Variants in GPAT4 observed in about 807,000 individuals in gnomAD.
The protein encoded by GPAT4 is glycerol-3-phosphate acyltransferase 4.
Under a neutral mutation model 58.0 loss-of-function variants are expected in GPAT4, and 17 were observed. The observed-to-expected ratio is 0.29, with a 90% CI of 0.20 to 0.44. GPAT4 has a LOEUF of 0.44. Ranked by LOEUF, GPAT4 falls within the 20% of genes least tolerant of loss-of-function variation. The pLI is 1.00. For synonymous variants in GPAT4, 204 were observed against 210.1 expected, an observed-to-expected ratio of 0.97 and a Z score of 0.25; for missense variants, 377 against 574.5, an observed-to-expected ratio of 0.66 and a Z score of 3.51.
rs1475714288 is a variant in GPAT4 at position 41,624,269 on chromosome 8, CAG to C, written c.*3269_*3270del. 1 of 152,260 alleles carries C rather than the reference CAG, an allele frequency of 6.6e-6. No homozygotes were observed. The highest frequency in any genetic ancestry group is 2.4e-5 in the African/African-American group (1 of 41,444). 9.4% of individuals were successfully genotyped at this position (152,260 alleles called of 1,614,324 possible). A position where few individuals can be genotyped will look rare whatever the true frequency, so the allele number is the denominator to read the frequency against. On this transcript the variant is annotated 3_prime_UTR_variant, in exon 13 of 13. Coordinates refer to ENST00000396987, the MANE Select transcript of GPAT4 (RefSeq NM_178819.4). ...AGAAGAGGCTTGATGTGTGAGGGGT[CAG>C]GGGGAGTGCTCCAGATCCCTGAAAT...
intron 1 of GPAT4, among the ~76,000 whole-genome samples, chr8:41,585,752 G>A (rs889337307): frequency 2.6e-5 from 4 of 152,198 alleles, no homozygotes; most frequent in African/African-American, 9.7e-5. Flanking sequence ...TTCCCTGTAT[G>A]TTTGGCCATC....
chr8:41,615,594 C>A (rs1361721520), intron 10 of GPAT4, among the ~76,000 whole-genome samples: 1 of 152,142 alleles, frequency 6.6e-6, no homozygotes, highest in African/African-American at 2.4e-5. Context: ...TTAGGAACTG[C>A]TCCTCTAACC....
At position 41,620,889 on chromosome 8, in the gene GPAT4, C is replaced by T; in HGVS notation, c.1263-4C>T. On this transcript the variant is annotated splice_polypyrimidine_tract_variant and splice_region_variant and intron_variant, in intron 12 of 12. Transcript: ENST00000396987. ...GTTACTACATCCAGCCTTTGTCTCT[C>T]CAGGGATGGGGGCCTGAAGAGGGAG... 2 of 1,550,506 alleles carry T rather than the reference C, an allele frequency of 1.3e-6. No homozygotes were observed. Among genetic ancestry groups the T allele is most frequent in the South Asian group, 1.2e-5 (1 of 84,000 alleles).
chr8:41,618,753 A>T lies in GPAT4; in HGVS notation c.1123A>T (p.Met375Leu), dbSNP rs1227098443. The T allele has an allele frequency of 1.2e-6, 2 of 1,614,246 alleles. No homozygotes were observed. ...KYGMVTYLLRMMTSWAIVCSV... is the reference protein window; with the variant it reads ...KYGMVTYLLRLMTSWAIVCSV... ...CGGGATGGTGACGTACCTGCTGCGA[A>T]TGATGACCAGCTGGGCCATTGTCTG... Residue 375 changes from methionine (M) to leucine (L), a missense_variant, in exon 11 of 13, where the codon ATG (methionine) becomes TTG (leucine). By Grantham distance (15) the Met-to-Leu change is conservative. Transcript: ENST00000396987.
chr8:41,618,783 G>A lies in GPAT4; in HGVS notation c.1153G>A (p.Val385Met), dbSNP rs776328407. ...GACCAGCTGGGCCATTGTCTGCAGC[G>A]TGTGGTACCTGCCTCCCATGACTAG... ...MMTSWAIVCS[V>M]WYLPPMTREA... Residue 385 changes from valine (V) to methionine (M), a missense_variant, in exon 11 of 13, where the codon GTG becomes ATG. Physicochemically the swap from Val to Met is conservative, Grantham distance 21. Coordinates refer to ENST00000396987, the MANE Select transcript of GPAT4 (RefSeq NM_178819.4). 6 of 1,614,136 alleles carry A rather than the reference G, an allele frequency of 3.7e-6. No homozygotes were observed. The highest frequency in any genetic ancestry group is 5.1e-6 in the Non-Finnish European group (6 of 1,180,056).
chr8:41,597,013 G>A lies in GPAT4; in HGVS notation c.-848-1279G>A, dbSNP rs148451131. ...CGGTAATCAGAATGGAACAGAACAG[G>A]ACAGGGGTTTTCACGATGCTTTTCC... On this transcript the variant is annotated intron_variant, in intron 1 of 12. Transcript: ENST00000396987. 5.5e-3 allele frequency among the ~76,000 whole-genome samples: 841 copies of A among 152,236 alleles called. 9 individuals carry two copies. The highest frequency in any genetic ancestry group is 0.019 in the African/African-American group (772 of 41,520).
chr8:41,609,641 A>C lies in GPAT4; in HGVS notation c.236-14A>C, dbSNP rs762914061. The C allele has an allele frequency of 1.9e-5, 31 of 1,609,014 alleles. No homozygotes were observed. Among genetic ancestry groups the C allele is most frequent in the Non-Finnish European group, 2.5e-5 (30 of 1,176,582 alleles). On this transcript the variant is annotated splice_polypyrimidine_tract_variant and intron_variant, in intron 3 of 12. Coordinates refer to ENST00000396987, the MANE Select transcript of GPAT4 (RefSeq NM_178819.4). ...CCCCAGCGTGCTGCTTGACAGGGAC[A>C]CATTCTTTTGCAGGAATCATTGCAA...
chr8:41,604,472 G>A (rs1803201272), intron 2 of GPAT4, among the ~76,000 whole-genome samples: 1 of 152,232 alleles, frequency 6.6e-6, no homozygotes, highest in African/African-American at 2.4e-5. Flanking sequence ...AGAGCAGCAT[G>A]TGACTGGAAG....
At chr8:41,587,706 A>G (rs1318492579) in intron 1 of GPAT4, among the ~76,000 whole-genome samples, 1 of 152,222 alleles carries the variant, frequency 6.6e-6, no homozygotes, top group Non-Finnish European at 1.5e-5. Flanking sequence ...AGATATTGCC[A>G]GATGCTCCCC....
chr8:41,617,863 A>G (rs1019936829), intron 10 of GPAT4, among the ~76,000 whole-genome samples: 6 of 152,172 alleles, frequency 3.9e-5, no homozygotes, highest in African/African-American at 1.4e-4. Context: ...AGCACCAGGC[A>G]CTTTGTCCAG....
chr8:41,610,366 TCCA>T, intron 4 of GPAT4: 4 of 1,224,760 alleles, frequency 3.3e-6, no homozygotes, highest in Non-Finnish European at 4.1e-6. Flanking sequence ...ACCTTCAAGC[TCCA>T]CCTCCTGTTG....
At chr8:41,618,347 CCT>C (rs1215638641) in intron 10 of GPAT4, among the ~76,000 whole-genome samples, 1 of 152,142 alleles carries the variant, frequency 6.6e-6, no homozygotes, top group African/African-American at 2.4e-5. Context: ...AGTGCATGAT[CCT>C]TTTCTCCCTG....
At chr8:41,619,021 A>G in intron 12 of GPAT4, 44 bp downstream of exon 12, 1 of 1,601,710 alleles carries the variant, frequency 6.2e-7, no homozygotes, top group Non-Finnish European at 8.6e-7. Context: ...TCTGCAGCAG[A>G]TGCTGTGTCA....
rs563142671 is a variant in GPAT4, at chr8:41,610,585, G to A, written c.537-151G>A. On this transcript the variant is annotated intron_variant, in intron 4 of 12. Transcript: ENST00000396987. ...AAGGATCTCTGGTTCTGATAGGCCT[G>A]CTTACATTTCTAGGTGAACTCTGGT... 7.4e-5 allele frequency: 113 copies of A among 1,527,800 alleles called. 1 individual carries two copies. The South Asian group carries it at 1.3e-3, about 17-fold the overall frequency. The allele number at this position is 1,527,800 out of a possible 1,614,324, so 94.6% of individuals were successfully genotyped here. A position where few individuals can be genotyped will look rare whatever the true frequency, so the allele number is the denominator to read the frequency against.
rs1803796814 is a variant in GPAT4, at chr8:41,622,961, CTT to C, written c.*1963_*1964del. 3 of 152,350 alleles carry C rather than the reference CTT, an allele frequency of 2.0e-5. No individual in the cohort carries two copies. Among genetic ancestry groups the C allele is most frequent in the Admixed American group, 1.3e-4 (2 of 15,304 alleles). 9.4% of individuals were successfully genotyped at this position (152,350 alleles called of 1,614,324 possible). ...AATTGGTCTTAAAAGATCAGGTTCT[CTT>C]TTAAAAAGTTCATCTGAAACTTTAT... is the stretch of plus-strand genomic sequence containing the variant. On this transcript the variant is annotated 3_prime_UTR_variant, in exon 13 of 13. Transcript: ENST00000396987.
At chr8:41,600,191 A>G (rs1274816703) in intron 2 of GPAT4, among the ~76,000 whole-genome samples, 4 of 151,610 alleles carry the variant, frequency 2.6e-5, no homozygotes, top group Non-Finnish European at 5.9e-5. Context: ...GGCCCATGCC[A>G]CCACACCCGG....
intron 1 of GPAT4, among the ~76,000 whole-genome samples, chr8:41,591,593 T>C (rs1294384026): frequency 6.6e-6 from 1 of 152,234 alleles, no homozygotes; most frequent in African/African-American, 2.4e-5. Flanking sequence ...CTTTTTATCA[T>C]TTGAAGAAGT....
At chr8:41,600,291 C>T (rs1003623553) in intron 2 of GPAT4, among the ~76,000 whole-genome samples, 1 of 152,130 alleles carries the variant, frequency 6.6e-6, no homozygotes, top group Non-Finnish European at 1.5e-5. Context: ...ATCTGTCCAC[C>T]TCAGCCTCCC....
intron 1 of GPAT4, among the ~76,000 whole-genome samples, chr8:41,579,848 G>T (rs1382802557): frequency 6.6e-6 from 1 of 150,944 alleles, no homozygotes. Context: ...AAAAAAAAAA[G>T]AAAAGAAAAA....
Sources: allele counts gnomAD v4.1 joint callset (sites outside exome capture counted in the v4.1 genomes callset), GRCh38; gene constraint gnomAD v4.1.1; transcripts MANE v1.5; gene names NCBI Gene and HGNC (gene_info 2026-07-23, HGNC 2026-07-21).